Variants in GRIK4 observed in about 807,000 individuals in gnomAD.
The protein encoded by GRIK4 is glutamate receptor ionotropic, kainate 4.
GRIK4 carries 40 observed loss-of-function variants against 104.9 expected under a neutral mutation model. The observed-to-expected ratio is 0.38, with a 90% CI of 0.30 to 0.50. GRIK4 has a LOEUF of 0.50. Ranked by LOEUF, GRIK4 falls within the 20% of genes least tolerant of loss-of-function variation. The pLI, the probability that GRIK4 is intolerant of heterozygous loss-of-function variation, is 0.93. For missense variants in GRIK4, 1,047 were observed against 1,308.1 expected (o/e 0.80, Z 3.08); for synonymous variants, 485 against 524.9 (o/e 0.92, Z 1.04).
At chr11:120,713,463 C>G (rs1339463937) in intron 3 of GRIK4, among the ~76,000 whole-genome samples, 1 of 152,224 alleles carries the variant, frequency 6.6e-6, no homozygotes, top group Non-Finnish European at 1.5e-5. Flanking sequence ...GCGTCACTGA[C>G]ATTGGGCTCT....
chr11:120,920,330 C>T (rs1489512754), intron 13 of GRIK4, among the ~76,000 whole-genome samples: 1 of 152,150 alleles, frequency 6.6e-6, no homozygotes, highest in East Asian at 1.9e-4. Flanking sequence ...GCTGTATTTT[C>T]ACCTCCTCTT....
At chr11:120,516,188 C>T (rs1424698320) in intron 1 of GRIK4, among the ~76,000 whole-genome samples, 1 of 152,174 alleles carries the variant, frequency 6.6e-6, no homozygotes. Flanking sequence ...TGGGCAGGAC[C>T]CTTCTCTCCC....
chr11:120,911,962 T>C (rs1943008745), intron 13 of GRIK4, among the ~76,000 whole-genome samples: 1 of 152,170 alleles, frequency 6.6e-6, no homozygotes, highest in South Asian at 2.1e-4. Context: ...CACCTGGTAA[T>C]ACCCATGGCT....
intron 3 of GRIK4, among the ~76,000 whole-genome samples, chr11:120,666,503 G>A (rs575765116): frequency 4.6e-5 from 7 of 152,346 alleles, no homozygotes; most frequent in East Asian, 1.9e-4. Context: ...GGCAGTGAGC[G>A]TTAGTAAGTG....
chr11:120,659,613 C>A (rs1949777477), intron 2 of GRIK4, among the ~76,000 whole-genome samples: 1 of 152,220 alleles, frequency 6.6e-6, no homozygotes, highest in South Asian at 2.1e-4. Flanking sequence ...AGTTTCCTCT[C>A]ACACCTCTCC....
chr11:120,922,873 A>G (rs985752367), intron 13 of GRIK4, among the ~76,000 whole-genome samples: 7 of 152,214 alleles, frequency 4.6e-5, no homozygotes, highest in Non-Finnish European at 5.9e-5. Context: ...CTCTGGCCCT[A>G]GCTGTGTCTG....
Position 120,952,936 on chromosome 11 carries a change from G to A in GRIK4, c.1672G>A (p.Val558Ile), listed in dbSNP as rs377225028. 36 of 1,612,780 alleles carry A rather than the reference G, an allele frequency of 2.2e-5. No homozygotes were observed. Among genetic ancestry groups the A allele is most frequent in the Non-Finnish European group, 2.6e-5 (31 of 1,179,156 alleles). The change falls in exon 15 of 21, where the codon GTC becomes ATC. Residue 558 changes from valine to isoleucine, a missense_variant. Val to Ile is a conservative substitution (Grantham distance 29). Transcript: ENST00000527524. This position sits in a 1 kb window ranked among gnomAD's most constrained non-coding sequence, Gnocchi z 5.2. ...WLFMLLAYLAVSCVLFLVARL... is the reference protein window; with the variant it reads ...WLFMLLAYLAISCVLFLVARL... ...CTTCATGCTTCTAGCCTATCTGGCCGTCAGCTGTGTCCTCTTCCTGGTGGC... is the reference window on the plus strand; with the variant it reads ...CTTCATGCTTCTAGCCTATCTGGCCATCAGCTGTGTCCTCTTCCTGGTGGC...
intron 4 of GRIK4, among the ~76,000 whole-genome samples, chr11:120,809,334 G>T (rs938723830): frequency 2.6e-5 from 4 of 152,206 alleles, no homozygotes; most frequent in African/African-American, 9.7e-5. Context: ...GGAGGAAGAG[G>T]TAAACGCATC....
intron 16 of GRIK4, among the ~76,000 whole-genome samples, chr11:120,960,252 C>T (rs1230477181): frequency 2.0e-5 from 3 of 152,182 alleles, no homozygotes; most frequent in African/African-American, 7.2e-5. Flanking sequence ...TCACTTGAAT[C>T]CACGAGGTGG....
intron 12 of GRIK4, among the ~76,000 whole-genome samples, chr11:120,901,980 C>T (rs1018731464): frequency 3.3e-5 from 5 of 152,158 alleles, no homozygotes; most frequent in Admixed American, 6.5e-5. Context: ...TCTTTTCTTG[C>T]GCGTGTGTGC....
chr11:120,904,517 C>G (rs1245841020), intron 12 of GRIK4, among the ~76,000 whole-genome samples: 1 of 152,236 alleles, frequency 6.6e-6, no homozygotes, highest in Non-Finnish European at 1.5e-5. Flanking sequence ...ACTTAGTATT[C>G]CTTACTCGCA....
chr11:120,939,696 A>C lies in GRIK4; in HGVS notation c.1477-651A>C, dbSNP rs546443971. On this transcript the variant is annotated intron_variant, in intron 13 of 20. Transcript: ENST00000527524. This position sits in a 1 kb window ranked among gnomAD's most constrained non-coding sequence, Gnocchi z 5.6. ...GAAACAAACACTACTCAATATTGAGAATGGGCCAGGCGCGGTGGCTCATGC... is the reference window on the plus strand; with the variant it reads ...GAAACAAACACTACTCAATATTGAGCATGGGCCAGGCGCGGTGGCTCATGC... Among the ~76,000 whole-genome samples, 2 of 152,322 alleles carry C rather than the reference A, an allele frequency of 1.3e-5. No individual in the cohort carries two copies. The highest frequency in any genetic ancestry group is 3.9e-4 in the East Asian group (2 of 5,186).
chr11:120,654,144 C>T (rs1028100384), intron 2 of GRIK4, among the ~76,000 whole-genome samples: 1 of 152,192 alleles, frequency 6.6e-6, no homozygotes, highest in African/African-American at 2.4e-5. Context: ...GCCAACACTG[C>T]TGAATTCAAC....
intron 1 of GRIK4, among the ~76,000 whole-genome samples, chr11:120,633,766 C>T (rs1016740364): frequency 6.6e-5 from 10 of 152,096 alleles, no homozygotes; most frequent in African/African-American, 1.4e-4. Context: ...CTCCCTGCTG[C>T]TACTGTGGGG....
chr11:120,666,033 T>C (rs905640724), intron 3 of GRIK4, among the ~76,000 whole-genome samples: 4 of 152,168 alleles, frequency 2.6e-5, no homozygotes, highest in African/African-American at 9.7e-5. Context: ...GCCTAGATAT[T>C]CCGTTTTACA....
At chr11:120,844,049 A>G (rs1953791435) in intron 8 of GRIK4, among the ~76,000 whole-genome samples, 1 of 152,194 alleles carries the variant, frequency 6.6e-6, no homozygotes, top group African/African-American at 2.4e-5. Flanking sequence ...TATTGTCAGT[A>G]GACCTGAGCC....
At chr11:120,954,366 T>G (rs549793907) in intron 15 of GRIK4, among the ~76,000 whole-genome samples, 2 of 151,874 alleles carry the variant, frequency 1.3e-5, no homozygotes, top group South Asian at 4.2e-4. Flanking sequence ...GCATGGCCAC[T>G]GTTGAGTATC....
chr11:120,535,395 A>AGGG, intron 1 of GRIK4, among the ~76,000 whole-genome samples: 1 of 151,238 alleles, frequency 6.6e-6, no homozygotes, highest in Non-Finnish European at 1.5e-5. Context: ...GGAGGGAGGG[A>AGGG]AGGAGGGAAG....
chr11:120,750,461 G>T (rs1354894107), intron 3 of GRIK4, among the ~76,000 whole-genome samples: 1 of 148,730 alleles, frequency 6.7e-6, no homozygotes, highest in Non-Finnish European at 1.5e-5. Flanking sequence ...CCGCCTCCCG[G>T]ATTCAAGTGA....
Sources: gnomAD v4.1 joint callset for allele counts (sites outside exome capture counted in the v4.1 genomes callset) on GRCh38, gnomAD v4.1.1 for gene constraint, Gnocchi (gnomAD v3.1) non-coding constraint, MANE v1.5 for transcripts, NCBI Gene and HGNC (gene_info 2026-07-23, HGNC 2026-07-21) for gene names.